Variants in SLC10A7 observed in about 807,000 individuals in gnomAD.
SLC10A7 encodes the protein solute carrier family 10 member 7.
Under a neutral mutation model 43.2 loss-of-function variants are expected in SLC10A7, and 29 were observed. The ratio of observed to expected loss-of-function variants is 0.67; its 90% CI spans 0.50 to 0.92. The LOEUF is 0.92. Ranked by LOEUF, SLC10A7 falls within the 40% of genes least tolerant of loss-of-function variation. The pLI, the probability that SLC10A7 is intolerant of heterozygous loss-of-function variation, is 0.00. For missense variants in SLC10A7, 295 were observed against 403.2 expected, an observed-to-expected ratio of 0.73 and a Z score of 2.30; for synonymous variants, 152 against 144.8, an observed-to-expected ratio of 1.05 and a Z score of -0.35.
intron 7 of SLC10A7, among the ~76,000 whole-genome samples, chr4:146,297,539 T>C (rs1730868662): frequency 6.6e-6 from 1 of 152,206 alleles, no homozygotes; most frequent in Non-Finnish European, 1.5e-5. Context: ...GTCTTTACCC[T>C]ATTCATAAAT....
intron 1 of SLC10A7, among the ~76,000 whole-genome samples, chr4:146,519,249 A>G (rs1215768108): frequency 1.4e-5 from 2 of 142,064 alleles, no homozygotes; most frequent in Non-Finnish European, 3.0e-5. Flanking sequence ...ATAATAATAT[A>G]TTTTATATAA....
In SLC10A7 at chr4:146,355,707, C is replaced by T. The variant is rs540959879; in HGVS notation, c.436-29711G>A. 2.7e-3 allele frequency among the ~76,000 whole-genome samples: 404 copies of T among 151,588 alleles called. 1 individual carries two copies. Among genetic ancestry groups the T allele is most frequent in the African/African-American group, 9.2e-3 (379 of 41,170 alleles). On this transcript the variant is annotated intron_variant, in intron 5 of 11. Coordinates refer to ENST00000335472, the MANE Select transcript of SLC10A7 (RefSeq NM_001029998.6). ...ATATACACCATGGAATACCATGCAG[C>T]CATAAAAAATGATGAGTTCATGTCC... is the stretch of plus-strand genomic sequence containing the variant.
intron 7 of SLC10A7, among the ~76,000 whole-genome samples, chr4:146,295,925 C>T (rs1177831273): frequency 6.6e-6 from 1 of 152,128 alleles, no homozygotes; most frequent in Non-Finnish European, 1.5e-5. Context: ...AAATAAGTGT[C>T]TTCCTCTCCT....
At chr4:146,472,438 T>C (rs1163544794) in intron 4 of SLC10A7, among the ~76,000 whole-genome samples, 9 of 8,540 alleles carry the variant, frequency 1.1e-3, no homozygotes, top group Non-Finnish European at 1.7e-3. Context: ...CTTATTCTGT[T>C]TTTTTTTTTT....
intron 5 of SLC10A7, among the ~76,000 whole-genome samples, chr4:146,367,442 TAATTTA>T (rs1353225057): frequency 1.3e-5 from 2 of 152,156 alleles, no homozygotes; most frequent in Non-Finnish European, 2.9e-5. Context: ...ATTTTTTAAT[TAATTTA>T]AATTTAAATT....
At chr4:146,350,072 C>A (rs1277428456) in intron 5 of SLC10A7, among the ~76,000 whole-genome samples, 2 of 151,942 alleles carry the variant, frequency 1.3e-5, no homozygotes, top group African/African-American at 4.8e-5. Flanking sequence ...CAGCTCCCAG[C>A]GTGAGCGACG....
At chr4:146,491,683 GGAAGGAAGGAAGGAA>G (rs1166119720) in intron 4 of SLC10A7, among the ~76,000 whole-genome samples, 13 of 17,284 alleles carry the variant, frequency 7.5e-4, no homozygotes, top group African/African-American at 4.1e-3. Flanking sequence ...AGGAAGGGAA[GGAAGGAAGGAAGGAA>G]GGAAGGAAGG....
At chr4:146,386,129 T>C (rs116121424) in intron 5 of SLC10A7, among the ~76,000 whole-genome samples, 1,593 of 152,288 alleles carry the variant, frequency 0.01, 13 homozygotes, top group Non-Finnish European at 0.015. Context: ...ATAGTAGTTC[T>C]ATCTTAAAGT....
intron 9 of SLC10A7, among the ~76,000 whole-genome samples, chr4:146,292,637 T>C (rs768577825): frequency 2.2e-4 from 34 of 152,238 alleles, no homozygotes; most frequent in South Asian, 1.7e-3. Flanking sequence ...AACATTGCAA[T>C]GGATGGTTTG....
At chr4:146,477,843 T>G (rs769855446) in intron 4 of SLC10A7, 1 of 152,210 alleles carries the variant, frequency 6.6e-6, no homozygotes. Flanking sequence ...TCCTAACTAT[T>G]GATGTATAAT....
At chr4:146,411,743 T>A (rs1728208515) in intron 5 of SLC10A7, among the ~76,000 whole-genome samples, 1 of 152,166 alleles carries the variant, frequency 6.6e-6, no homozygotes, top group South Asian at 2.1e-4. Context: ...AAAAATAATT[T>A]TTAGTTTCTC....
chr4:146,372,811 A>AT (rs1215157411), intron 5 of SLC10A7, among the ~76,000 whole-genome samples: 2 of 152,186 alleles, frequency 1.3e-5, no homozygotes, highest in Non-Finnish European at 2.9e-5. Context: ...AAAAAGTAAC[A>AT]TTTTTTGGAT....
chr4:146,346,815 T>C (rs1233505185), intron 5 of SLC10A7, among the ~76,000 whole-genome samples: 1 of 152,156 alleles, frequency 6.6e-6, no homozygotes, highest in Non-Finnish European at 1.5e-5. Context: ...AGCCATATCA[T>C]TATTTTTATG....
intron 5 of SLC10A7, among the ~76,000 whole-genome samples, chr4:146,339,017 T>C (rs72950672): frequency 0.011 from 1,657 of 151,894 alleles, 25 homozygotes; most frequent in African/African-American, 0.037. Flanking sequence ...TAGTATGAAG[T>C]TCAATGAGGA....
chr4:146,377,170 G>A (rs1021800153), intron 5 of SLC10A7, among the ~76,000 whole-genome samples: 7 of 152,166 alleles, frequency 4.6e-5, no homozygotes, highest in African/African-American at 1.4e-4. Context: ...TTTAAGAGAA[G>A]TTACTGTTTA....
At chr4:146,378,658 A>G (rs1737381122) in intron 5 of SLC10A7, among the ~76,000 whole-genome samples, 1 of 152,218 alleles carries the variant, frequency 6.6e-6, no homozygotes, top group South Asian at 2.1e-4. Context: ...AGAAAATGAG[A>G]ATAAAATAAA....
chr4:146,403,698 G>C (rs936815015), intron 5 of SLC10A7, among the ~76,000 whole-genome samples: 4 of 152,108 alleles, frequency 2.6e-5, no homozygotes, highest in African/African-American at 9.7e-5. Context: ...GAACAGCAAA[G>C]CAGTTATCAT....
chr4:146,400,700 A>G (rs1739169696), intron 5 of SLC10A7, among the ~76,000 whole-genome samples: 1 of 152,098 alleles, frequency 6.6e-6, no homozygotes, highest in African/African-American at 2.4e-5. Context: ...TTTTGGTTCC[A>G]AGGAACCAAA....
intron 5 of SLC10A7, among the ~76,000 whole-genome samples, chr4:146,404,641 C>A (rs947278870): frequency 2.0e-5 from 3 of 151,826 alleles, no homozygotes; most frequent in East Asian, 1.9e-4. Context: ...TAAAAAAATT[C>A]TTTACTTTTG....
Sources: allele counts gnomAD v4.1 joint callset (sites outside exome capture counted in the v4.1 genomes callset), GRCh38; gene constraint gnomAD v4.1.1; transcripts MANE v1.5; gene names NCBI Gene and HGNC (gene_info 2026-07-23, HGNC 2026-07-21).